Variants in WWOX observed in about 807,000 individuals in gnomAD.
The protein encoded by WWOX is WW domain-containing oxidoreductase.
WWOX carries 69 observed loss-of-function variants against 46.2 expected under a neutral mutation model. The ratio of observed to expected loss-of-function variants is 1.49; its 90% confidence interval spans 1.23 to 1.82. The LOEUF (loss-of-function observed/expected upper bound fraction) is 1.82, where lower values mean the gene tolerates loss of function less well. Among genes scored for constraint, WWOX ranks in the 40% most tolerant of loss-of-function variants. The probability of loss-of-function intolerance (pLI) is 0.00; values close to 1 mark genes in which losing one functional copy is unlikely to be tolerated. For synonymous variants in WWOX, 359 were observed against 202.6 expected, an observed-to-expected ratio of 1.77 and a Z score of -6.56; for missense variants, 919 against 542.6, an observed-to-expected ratio of 1.69 and a Z score of -6.89.
At chr16:79,043,362 A>G (rs1325133949) in intron 8 of WWOX, among the ~76,000 whole-genome samples, 1 of 152,202 alleles carries the variant, frequency 6.6e-6, no homozygotes, top group Non-Finnish European at 1.5e-5. Flanking sequence ...ATTTTTCTGC[A>G]GGAAATTTTG....
intron 8 of WWOX, among the ~76,000 whole-genome samples, chr16:78,972,509 G>T (rs1249999510): frequency 1.3e-5 from 2 of 151,730 alleles, no homozygotes; most frequent in Non-Finnish European, 2.9e-5. Context: ...GCCGCCAAGA[G>T]AGGCTCACTG....
At chr16:79,197,537 G>C (rs77897473) in intron 8 of WWOX, among the ~76,000 whole-genome samples, 2 of 151,782 alleles carry the variant, frequency 1.3e-5, no homozygotes, top group Non-Finnish European at 2.9e-5. Flanking sequence ...GCTTTTTGTA[G>C]ACATGTCCTT....
At chr16:78,918,999 A>G (rs1206290169) in intron 8 of WWOX, among the ~76,000 whole-genome samples, 1 of 152,166 alleles carries the variant, frequency 6.6e-6, no homozygotes, top group Non-Finnish European at 1.5e-5. Context: ...AGGTGGAAAT[A>G]CAGTCGTGGT....
At chr16:78,194,271 T>C (rs2035977278) in intron 5 of WWOX, among the ~76,000 whole-genome samples, 1 of 151,882 alleles carries the variant, frequency 6.6e-6, no homozygotes, top group South Asian at 2.1e-4. Context: ...AGGTGATAGG[T>C]TTTTCTTTCT....
At chr16:79,003,462 T>C (rs1171565972) in intron 8 of WWOX, among the ~76,000 whole-genome samples, 1 of 152,210 alleles carries the variant, frequency 6.6e-6, no homozygotes, top group Non-Finnish European at 1.5e-5. Flanking sequence ...TTTACTGGCG[T>C]AAAACGACAA....
intron 5 of WWOX, among the ~76,000 whole-genome samples, chr16:78,326,593 A>T (rs954343494): frequency 2.1e-5 from 1 of 47,320 alleles, no homozygotes; most frequent in African/African-American, 1.3e-4. Context: ...CCCCCCCGCA[A>T]TGCCTCAATC....
chr16:78,412,668 A>G (rs1016399243), intron 6 of WWOX, among the ~76,000 whole-genome samples: 3 of 152,188 alleles, frequency 2.0e-5, no homozygotes, highest in African/African-American at 7.2e-5. Flanking sequence ...ATCCTCTGCA[A>G]CAGGGCAGTC....
At chr16:78,562,771 G>A (rs370273906) in intron 8 of WWOX, among the ~76,000 whole-genome samples, 3 of 152,324 alleles carry the variant, frequency 2.0e-5, no homozygotes, top group East Asian at 1.9e-4. Context: ...ACTCAGGGAA[G>A]ACCCTGTCTA....
intron 8 of WWOX, among the ~76,000 whole-genome samples, chr16:78,832,195 C>T (rs755302511): frequency 3.9e-5 from 6 of 152,082 alleles, no homozygotes; most frequent in African/African-American, 7.2e-5. Context: ...GGGGAGGTTT[C>T]GTGTCCAAGG....
At chr16:78,980,262 T>G (rs1215587319) in intron 8 of WWOX, among the ~76,000 whole-genome samples, 1 of 152,194 alleles carries the variant, frequency 6.6e-6, no homozygotes, top group African/African-American at 2.4e-5. Flanking sequence ...CTGTGTGAGC[T>G]CCATTTGACA....
intron 5 of WWOX, among the ~76,000 whole-genome samples, chr16:78,231,127 T>G (rs1244937684): frequency 1.3e-5 from 2 of 152,176 alleles, no homozygotes; most frequent in Admixed American, 1.3e-4. Flanking sequence ...TTTGTTTGGT[T>G]TTGCTTCAGA....
chr16:78,559,564 A>C (rs1288017244), intron 8 of WWOX, among the ~76,000 whole-genome samples: 1 of 152,220 alleles, frequency 6.6e-6, no homozygotes, highest in Non-Finnish European at 1.5e-5. Flanking sequence ...ACGTGCTGGA[A>C]AAAAGAGGCT....
chr16:78,789,175 G>A (rs780257076), intron 8 of WWOX, among the ~76,000 whole-genome samples: 1 of 152,066 alleles, frequency 6.6e-6, no homozygotes, highest in Non-Finnish European at 1.5e-5. Flanking sequence ...AGTCTTCTGT[G>A]TTGATTGTCA....
At chr16:78,496,769 C>T (rs1201560995) in intron 8 of WWOX, among the ~76,000 whole-genome samples, 1 of 152,150 alleles carries the variant, frequency 6.6e-6, no homozygotes, top group East Asian at 1.9e-4. Context: ...ATTTGCTGTG[C>T]CCAGGGAAAT....
intron 8 of WWOX, among the ~76,000 whole-genome samples, chr16:78,831,617 C>G (rs544632092): frequency 6.6e-6 from 1 of 152,180 alleles, no homozygotes; most frequent in African/African-American, 2.4e-5. Context: ...GTGGGTCACT[C>G]AGTCTTTCTT....
chr16:78,281,220 A>T (rs13330120), intron 5 of WWOX, among the ~76,000 whole-genome samples: 1 of 151,934 alleles, frequency 6.6e-6, no homozygotes, highest in Non-Finnish European at 1.5e-5. Flanking sequence ...CAGAGATCTC[A>T]CTCACTATGG....
chr16:79,098,556 C>T (rs908155738), intron 8 of WWOX, among the ~76,000 whole-genome samples: 10 of 152,198 alleles, frequency 6.6e-5, no homozygotes, highest in African/African-American at 2.4e-4. Flanking sequence ...GCAATTATCA[C>T]AGTGTTCCTG....
chr16:79,194,654 A>G (rs541328191), intron 8 of WWOX, among the ~76,000 whole-genome samples: 1 of 152,124 alleles, frequency 6.6e-6, no homozygotes, highest in East Asian at 1.9e-4. Context: ...GAACTGGCTC[A>G]TTTCTCACTG....
chr16:78,637,677 A>G (rs2046607314), intron 8 of WWOX, among the ~76,000 whole-genome samples: 1 of 152,208 alleles, frequency 6.6e-6, no homozygotes, highest in African/African-American at 2.4e-5. Flanking sequence ...TCCTTGATGA[A>G]GGGCTCAGAG....
Sources: allele counts gnomAD v4.1 joint callset (sites outside exome capture counted in the v4.1 genomes callset), GRCh38; gene constraint gnomAD v4.1.1; transcripts MANE v1.5; gene names NCBI Gene and HGNC (gene_info 2026-07-23, HGNC 2026-07-21).